NOVA1: variants seen among roughly 807,000 people sequenced by gnomAD.
NOVA1 encodes the protein RNA-binding protein Nova-1.
In NOVA1, 7 loss-of-function variants were observed where a neutral mutation model predicts 38.0. That is an observed-to-expected ratio of 0.18 (90% confidence interval 0.10 to 0.35). The LOEUF (loss-of-function observed/expected upper bound fraction) is 0.35, where lower values mean the gene tolerates loss of function less well. NOVA1 is among the 10% of genes least tolerant of loss of function. The pLI is 1.00. For missense variants in NOVA1, 460 were observed against 616.0 expected (o/e 0.75, Z 2.68); for synonymous variants, 270 against 232.5 (o/e 1.16, Z -1.47).
intron 3 of NOVA1, among the ~76,000 whole-genome samples, chr14:26,476,761 GGCTGGAGTACAATGGCGCGATCT>G (rs1346618433): frequency 7.0e-6 from 1 of 142,348 alleles, no homozygotes; most frequent in African/African-American, 2.8e-5. Context: ...TTGTTGCCCA[GGCTGGAGTACAATGGCGCGATCT>G]TGGCTCACTG....
intron 2 of NOVA1, among the ~76,000 whole-genome samples, chr14:26,561,890 T>C (rs948057147): frequency 6.6e-6 from 1 of 152,188 alleles, no homozygotes; most frequent in Non-Finnish European, 1.5e-5. Flanking sequence ...TAGAACACTA[T>C]GTCCTAGTTC....
intron 2 of NOVA1, among the ~76,000 whole-genome samples, chr14:26,512,581 G>A (rs994542758): frequency 2.6e-5 from 4 of 152,036 alleles, no homozygotes; most frequent in Non-Finnish European, 1.5e-5. Flanking sequence ...TTACAAAAAA[G>A]ACACTAGTCA....
chr14:26,453,935 C>G (rs1362985294), intron 4 of NOVA1, among the ~76,000 whole-genome samples: 1 of 152,272 alleles, frequency 6.6e-6, no homozygotes, highest in Non-Finnish European at 1.5e-5. Context: ...TTTACTCAGT[C>G]ATTCAGTTGG....
chr14:26,570,662 G>A (rs1190235790), intron 2 of NOVA1, among the ~76,000 whole-genome samples: 1 of 152,118 alleles, frequency 6.6e-6, no homozygotes, highest in East Asian at 1.9e-4. Context: ...GATAAAAGTT[G>A]CAGAAGGCAA....
chr14:26,526,831 T>C (rs903875152), intron 2 of NOVA1, among the ~76,000 whole-genome samples: 1 of 152,306 alleles, frequency 6.6e-6, no homozygotes, highest in Non-Finnish European at 1.5e-5. Flanking sequence ...AATGTGGTCT[T>C]GCAAATGCAT....
At chr14:26,523,748 ATTTTTTT>A (rs1182238464) in intron 2 of NOVA1, among the ~76,000 whole-genome samples, 1 of 108,638 alleles carries the variant, frequency 9.2e-6, no homozygotes, top group Non-Finnish European at 1.9e-5. Flanking sequence ...CCACTTGAAG[ATTTTTTT>A]TTTTTTTTTT....
intron 2 of NOVA1, among the ~76,000 whole-genome samples, chr14:26,481,204 A>C (rs1412851386): frequency 6.6e-6 from 1 of 152,104 alleles, no homozygotes; most frequent in East Asian, 1.9e-4. Flanking sequence ...TTTTCCAAAA[A>C]ATGGGATTTT....
intron 2 of NOVA1, among the ~76,000 whole-genome samples, chr14:26,580,286 G>C (rs2138763530): frequency 6.6e-6 from 1 of 152,086 alleles, no homozygotes; most frequent in African/African-American, 2.4e-5. Flanking sequence ...TCCCAATTAA[G>C]ACTCTAATCA....
In NOVA1 at chr14:26,448,207, T is replaced by C; in HGVS notation, c.1276A>G (p.Ile426Val). The part of the protein sequence containing the change: ...STDGSKDVVE[I>V]AVPENLVGAI... Reference sequence around the variant, plus strand: ...CCAACTAAGTTTTCTGGCACTGCTATTTCAACTACATCCTTGGATCCATCT... The same window carrying C: ...CCAACTAAGTTTTCTGGCACTGCTACTTCAACTACATCCTTGGATCCATCT... The change falls in exon 5 of 5, where the codon ATA becomes GTA. Residue 426 changes from isoleucine to valine, a missense_variant. Physicochemically the swap from Ile to Val is conservative, Grantham distance 29. Transcript: ENST00000539517. The surrounding 1 kb of genome is among the most constrained non-coding windows in gnomAD (Gnocchi z 5.3). The C allele has an allele frequency of 6.2e-7, 1 of 1,614,248 alleles. No homozygotes were observed. The highest frequency in any genetic ancestry group is 8.5e-7 in the Non-Finnish European group (1 of 1,180,048).
At chr14:26,488,325 T>G (rs1886078140) in intron 2 of NOVA1, among the ~76,000 whole-genome samples, 1 of 152,268 alleles carries the variant, frequency 6.6e-6, no homozygotes, top group South Asian at 2.1e-4. Flanking sequence ...TTCAGAGACC[T>G]TAGGAAGAGA....
intron 2 of NOVA1, among the ~76,000 whole-genome samples, chr14:26,553,841 C>T (rs183372954): frequency 1.9e-4 from 29 of 152,146 alleles, no homozygotes; most frequent in Middle Eastern, 3.4e-3. Flanking sequence ...GTACTCCTCT[C>T]CCGTCCTCAT....
chr14:26,569,969 T>C (rs1451300065), intron 2 of NOVA1, among the ~76,000 whole-genome samples: 1 of 152,220 alleles, frequency 6.6e-6, no homozygotes, highest in Non-Finnish European at 1.5e-5. Context: ...GTATCTTCCA[T>C]TTCTGGCTCT....
chr14:26,595,670 T>G lies in NOVA1; in HGVS notation c.137-117A>C, dbSNP rs190575901. The G allele has an allele frequency of 3.8e-4, 299 of 781,466 alleles. 4 individuals are homozygous for G. In the East Asian group the frequency reaches 7.6e-3, roughly 20 times the overall value. 48.4% of individuals were successfully genotyped at this position (781,466 alleles called of 1,614,324 possible). A position where few individuals can be genotyped will look rare whatever the true frequency, so the allele number is the denominator to read the frequency against. ...GCACTGGGTATATAACTGCAGGAAA[T>G]ATGAAGTTAAACATTTTTTGAGAAT... On this transcript the variant is annotated intron_variant, in intron 1 of 4. Coordinates refer to ENST00000539517, the MANE Select transcript of NOVA1 (RefSeq NM_002515.3).
Position 26,446,083 on chromosome 14 carries a change from T to G in NOVA1, c.*1876A>C, listed in dbSNP as rs1220938947. The G allele has an allele frequency of 2.6e-5, 4 of 152,520 alleles. No homozygotes were observed. The highest frequency in any genetic ancestry group is 2.6e-4 in the Admixed American group (4 of 15,264). The allele number at this position is 152,520 out of a possible 1,614,324, so 9.4% of individuals were successfully genotyped here. On this transcript the variant is annotated 3_prime_UTR_variant, in exon 5 of 5. Transcript: ENST00000539517. ...TCATTTAAACAAGCATATCATTCCC[T>G]TTTAAAATCATTCTCTAAATAAATA...
chr14:26,581,078 GA>G (rs901975470), intron 2 of NOVA1, among the ~76,000 whole-genome samples: 11 of 152,120 alleles, frequency 7.2e-5, no homozygotes, highest in Admixed American at 6.5e-4. Context: ...ACATTACGCA[GA>G]TAAAAAACTG....
At chr14:26,502,920 T>C (rs186297925) in intron 2 of NOVA1, among the ~76,000 whole-genome samples, 5 of 152,194 alleles carry the variant, frequency 3.3e-5, no homozygotes, top group Admixed American at 1.3e-4. Context: ...AAGTGCTATG[T>C]TAAACAATGT....
chr14:26,579,848 T>C (rs550551911), intron 2 of NOVA1, among the ~76,000 whole-genome samples: 53 of 152,124 alleles, frequency 3.5e-4, no homozygotes, highest in Non-Finnish European at 2.4e-4. Context: ...TTTAAGACCT[T>C]GACAGAGCCA....
intron 2 of NOVA1, among the ~76,000 whole-genome samples, chr14:26,583,213 A>C (rs1893325217): frequency 6.6e-6 from 1 of 151,746 alleles, no homozygotes; most frequent in South Asian, 2.1e-4. Flanking sequence ...TGTTAAATTC[A>C]AATAAATATT....
intron 2 of NOVA1, among the ~76,000 whole-genome samples, chr14:26,536,488 C>T (rs1890107351): frequency 6.6e-6 from 1 of 151,200 alleles, no homozygotes; most frequent in South Asian, 2.1e-4. Context: ...AATATATACA[C>T]CTAATATGTA....
Sources: gnomAD v4.1 joint callset for allele counts (sites outside exome capture counted in the v4.1 genomes callset) on GRCh38, gnomAD v4.1.1 for gene constraint, Gnocchi (gnomAD v3.1) non-coding constraint, MANE v1.5 for transcripts, NCBI Gene and HGNC (gene_info 2026-07-23, HGNC 2026-07-21) for gene names.